Variants in CUL5 observed in about 807,000 individuals in gnomAD.
The protein encoded by CUL5 is cullin-5.
CUL5 carries 26 observed loss-of-function variants against 108.8 expected under a neutral mutation model. That is an observed-to-expected ratio of 0.24 (90% confidence interval 0.18 to 0.33). The LOEUF (loss-of-function observed/expected upper bound fraction) is 0.33. Ranked by LOEUF, CUL5 falls within the 10% of genes least tolerant of loss-of-function variation. The pLI, the probability that CUL5 is intolerant of heterozygous loss-of-function variation, is 1.00. For missense variants in CUL5, 524 were observed against 909.2 expected, an observed-to-expected ratio of 0.58 and a Z score of 5.45; for synonymous variants, 334 against 298.0, an observed-to-expected ratio of 1.12 and a Z score of -1.25.
At chr11:108,013,097 G>A (rs1862094031) in intron 1 of CUL5, among the ~76,000 whole-genome samples, 1 of 152,124 alleles carries the variant, frequency 6.6e-6, no homozygotes, top group African/African-American at 2.4e-5. Context: ...TATCAAATGA[G>A]ATTCTTCTCT....
chr11:108,016,954 C>T (rs1292054778), intron 1 of CUL5, among the ~76,000 whole-genome samples: 1 of 152,120 alleles, frequency 6.6e-6, no homozygotes, highest in African/African-American at 2.4e-5. Context: ...GCAAGACCTA[C>T]CACCTCTACA....
intron 18 of CUL5, among the ~76,000 whole-genome samples, chr11:108,102,482 A>C (rs1483852320): frequency 6.6e-6 from 1 of 152,080 alleles, no homozygotes; most frequent in Non-Finnish European, 1.5e-5. Flanking sequence ...GCGTGCCACC[A>C]TACCCAGCTA....
intron 2 of CUL5, among the ~76,000 whole-genome samples, chr11:108,037,486 A>G (rs1862776041): frequency 6.6e-6 from 1 of 152,214 alleles, no homozygotes; most frequent in South Asian, 2.1e-4. Context: ...ATGAATTATT[A>G]CAGTGAAGGA....
intron 11 of CUL5, among the ~76,000 whole-genome samples, chr11:108,078,545 T>C (rs1163647589): frequency 1.3e-5 from 2 of 152,166 alleles, no homozygotes; most frequent in East Asian, 3.8e-4. Flanking sequence ...AATGACTCAA[T>C]TTACCATAAT....
At chr11:108,076,163 GC>G (rs1785463328) in intron 10 of CUL5, among the ~76,000 whole-genome samples, 1 of 152,088 alleles carries the variant, frequency 6.6e-6, no homozygotes, top group Non-Finnish European at 1.5e-5. Flanking sequence ...CTCCCGAGTA[GC>G]TGGGACTACA....
At chr11:108,036,992 C>A (rs1862761631) in intron 2 of CUL5, among the ~76,000 whole-genome samples, 1 of 152,114 alleles carries the variant, frequency 6.6e-6, no homozygotes, top group African/African-American at 2.4e-5. Flanking sequence ...TGCTCCAGCC[C>A]TGGGCTCTGA....
At chr11:108,011,705 G>GC (rs1862061901) in intron 1 of CUL5, among the ~76,000 whole-genome samples, 1 of 151,750 alleles carries the variant, frequency 6.6e-6, no homozygotes, top group Non-Finnish European at 1.5e-5. Flanking sequence ...TTGGTTCACT[G>GC]CAACTTCCGC....
chr11:108,065,954 A>G (rs1863666462), intron 7 of CUL5, among the ~76,000 whole-genome samples: 1 of 152,060 alleles, frequency 6.6e-6, no homozygotes, highest in East Asian at 1.9e-4. Context: ...CTGCATATTT[A>G]TTCTTATTCC....
chr11:108,034,239 C>G (rs116651865), intron 2 of CUL5, among the ~76,000 whole-genome samples: 1 of 152,128 alleles, frequency 6.6e-6, no homozygotes, highest in Admixed American at 6.5e-5. Flanking sequence ...GGGAGTCACA[C>G]AGGACACACT....
At chr11:108,080,762 G>A (rs1286187704) in intron 11 of CUL5, among the ~76,000 whole-genome samples, 2 of 151,932 alleles carry the variant, frequency 1.3e-5, no homozygotes, top group African/African-American at 4.8e-5. Context: ...ATATATTCTG[G>A]TACTGGATCC....
intron 8 of CUL5, 24 bp downstream of exon 8, chr11:108,070,213 TATC>T (rs1469376451): frequency 5.3e-6 from 8 of 1,507,868 alleles, no homozygotes; most frequent in African/African-American, 2.8e-5. Context: ...CACATAAAGT[TATC>T]ATAATCTTCT....
intron 8 of CUL5, among the ~76,000 whole-genome samples, chr11:108,071,648 G>A (rs1457905684): frequency 6.6e-6 from 1 of 152,136 alleles, no homozygotes; most frequent in Non-Finnish European, 1.5e-5. Context: ...CTGGGCTTAG[G>A]CATTCCTCAC....
chr11:108,046,849 A>C (rs890979586), intron 3 of CUL5, among the ~76,000 whole-genome samples: 6 of 152,224 alleles, frequency 3.9e-5, no homozygotes, highest in Non-Finnish European at 7.3e-5. Flanking sequence ...TTTTGATCAA[A>C]AATCAAAAGC....
intron 11 of CUL5, among the ~76,000 whole-genome samples, chr11:108,087,129 T>C (rs1049733891): frequency 6.6e-6 from 1 of 152,150 alleles, no homozygotes; most frequent in African/African-American, 2.4e-5. Context: ...AAGAAAAACA[T>C]ATTCTAGTCT....
intron 7 of CUL5, among the ~76,000 whole-genome samples, chr11:108,060,247 A>G (rs1357357116): frequency 6.6e-6 from 1 of 152,208 alleles, no homozygotes; most frequent in Non-Finnish European, 1.5e-5. Flanking sequence ...AGACTTTTGT[A>G]GTGCCACTAA....
At chr11:108,086,662 T>C (rs11822270) in intron 11 of CUL5, among the ~76,000 whole-genome samples, 17,086 of 152,222 alleles carry the variant, frequency 0.11, 978 homozygotes, top group South Asian at 0.13. Context: ...AACTTCCACA[T>C]TCACTCTTTT....
In CUL5 at chr11:108,106,385, T is replaced by C. The variant is rs187107213; in HGVS notation, c.*2001T>C. The C allele has an allele frequency of 2.0e-5, 3 of 152,686 alleles. No individual in the cohort carries two copies. The highest frequency in any genetic ancestry group is 4.4e-5 in the Non-Finnish European group (3 of 67,992). 9.5% of individuals were successfully genotyped at this position (152,686 alleles called of 1,614,324 possible). A position where few individuals can be genotyped will look rare whatever the true frequency, so the allele number is the denominator to read the frequency against. Reference sequence around the variant, plus strand: ...AATTTAAGAATGAGAGTCATGATGTTTTGATTTATGAAGGTGAATTTAATG... The same window carrying C: ...AATTTAAGAATGAGAGTCATGATGTCTTGATTTATGAAGGTGAATTTAATG... On this transcript the variant is annotated 3_prime_UTR_variant, in exon 19 of 19. Transcript: ENST00000393094.
At chr11:108,079,090 T>G (rs1864006957) in intron 11 of CUL5, among the ~76,000 whole-genome samples, 2 of 152,072 alleles carry the variant, frequency 1.3e-5, no homozygotes, top group African/African-American at 4.8e-5. Flanking sequence ...ATTTTTTGTA[T>G]TATTTATTAA....
chr11:108,070,170 C>A lies in CUL5; in HGVS notation c.855C>A (p.Ile285=). The A allele has an allele frequency of 6.2e-7, 1 of 1,610,894 alleles. No individual in the cohort carries two copies. The highest frequency in any genetic ancestry group is 8.5e-7 in the Non-Finnish European group (1 of 1,177,718). Residue 285 remains isoleucine (I), a synonymous_variant, in exon 8 of 19, where the codon ATC becomes ATA. Coordinates refer to ENST00000393094, the MANE Select transcript of CUL5 (RefSeq NM_003478.6). ...TCTTAGCTGAGTGCCAAGGCATGAT[C>A]AAGAGAAATGAAACTGAAAGTAGGT... ...ETILAECQGM[I]KRNETEKLHL... is the part of the protein sequence containing the mutation.
Sources: gnomAD v4.1 joint callset for allele counts (sites outside exome capture counted in the v4.1 genomes callset) on GRCh38, gnomAD v4.1.1 for gene constraint, MANE v1.5 for transcripts, NCBI Gene and HGNC (gene_info 2026-07-23, HGNC 2026-07-21) for gene names.